Variants in LCA5 observed in about 807,000 individuals in gnomAD.
LCA5 encodes the protein lebercilin.
Under a neutral mutation model 53.0 loss-of-function variants are expected in LCA5, and 37 were observed. That is an observed-to-expected ratio of 0.70 (90% CI 0.54 to 0.92). The LOEUF (loss-of-function observed/expected upper bound fraction) is 0.92, where lower values mean the gene tolerates loss of function less well. LCA5 is among the 40% of genes least tolerant of loss of function. The pLI, the probability that LCA5 is intolerant of heterozygous loss-of-function variation, is 0.00. For missense variants in LCA5, 806 were observed against 790.5 expected, an observed-to-expected ratio of 1.02 and a Z score of -0.23; for synonymous variants, 303 against 282.9, an observed-to-expected ratio of 1.07 and a Z score of -0.71.
chr6:79,530,882 C>CA (rs35426154), intron 1 of LCA5, among the ~76,000 whole-genome samples: 4 of 151,102 alleles, frequency 2.6e-5, no homozygotes, highest in East Asian at 3.9e-4. Context: ...AAAATTAGAC[C>CA]AAAAAAAAGA....
chr6:79,528,919 A>G (rs970268097), intron 1 of LCA5, among the ~76,000 whole-genome samples: 5 of 152,184 alleles, frequency 3.3e-5, no homozygotes, highest in Non-Finnish European at 7.3e-5. Context: ...AAATGTAACC[A>G]TCATGAAAAC....
At chr6:79,497,678 T>C (rs1005700829) in intron 3 of LCA5, among the ~76,000 whole-genome samples, 1 of 152,090 alleles carries the variant, frequency 6.6e-6, no homozygotes, top group Non-Finnish European at 1.5e-5. Flanking sequence ...CAGAAAGTAC[T>C]ATAAAAGATA....
At position 79,485,586 on chromosome 6, in the gene LCA5, A is replaced by G. The variant is rs1343051201; in HGVS notation, c.*1418T>C. ...CTTTTAATTGGAGACCTAACCAGGTAAGTCTTGACAAATAGTCATGCAATG... is the reference window on the plus strand; with the variant it reads ...CTTTTAATTGGAGACCTAACCAGGTGAGTCTTGACAAATAGTCATGCAATG... On this transcript the variant is annotated 3_prime_UTR_variant, in exon 8 of 8. Coordinates refer to ENST00000369846, the MANE Select transcript of LCA5 (RefSeq NM_001122769.3). 6.6e-6 allele frequency: 1 copy of G among 152,226 alleles called. No homozygotes were observed. Among genetic ancestry groups the G allele is most frequent in the Non-Finnish European group, 1.5e-5 (1 of 68,020 alleles). 9.4% of individuals were successfully genotyped at this position (152,226 alleles called of 1,614,324 possible). A position where few individuals can be genotyped will look rare whatever the true frequency, so the allele number is the denominator to read the frequency against.
chr6:79,491,802 GTA>G (rs142509128), intron 5 of LCA5, 72 bp from the exon 6 acceptor site: 5,817 of 1,098,710 alleles, frequency 5.3e-3, no homozygotes, highest in Non-Finnish European at 5.9e-3. Flanking sequence ...CAGCTGGCAT[GTA>G]TATATATATA....
chr6:79,498,554 T>A (rs1477652783), intron 3 of LCA5, among the ~76,000 whole-genome samples: 2 of 152,062 alleles, frequency 1.3e-5, no homozygotes, highest in Non-Finnish European at 2.9e-5. Context: ...ATAAAATACA[T>A]TCAGACAACT....
At chr6:79,518,674 G>A in intron 2 of LCA5, 31 bp downstream of exon 2, 1 of 1,602,208 alleles carries the variant, frequency 6.2e-7, no homozygotes, top group Non-Finnish European at 8.6e-7. Flanking sequence ...GAGTCTTCTA[G>A]GTCCACCAGA....
intron 3 of LCA5, among the ~76,000 whole-genome samples, chr6:79,510,038 T>C (rs1409131495): frequency 6.6e-6 from 1 of 152,158 alleles, no homozygotes; most frequent in East Asian, 1.9e-4. Context: ...CAAGAGTAGC[T>C]AAAATAGTTA....
chr6:79,536,361 C>A (rs1767119804), intron 1 of LCA5, among the ~76,000 whole-genome samples: 1 of 152,134 alleles, frequency 6.6e-6, no homozygotes, highest in South Asian at 2.1e-4. Flanking sequence ...ATCTCTAATG[C>A]AAGTTCTTAA....
intron 1 of LCA5, among the ~76,000 whole-genome samples, chr6:79,520,395 T>A (rs933376315): frequency 6.6e-6 from 1 of 152,064 alleles, no homozygotes; most frequent in African/African-American, 2.4e-5. Context: ...ATTATCCCTA[T>A]CTGAATTCAG....
chr6:79,493,130 C>G (rs1769887759), intron 4 of LCA5, among the ~76,000 whole-genome samples: 1 of 152,032 alleles, frequency 6.6e-6, no homozygotes, highest in Non-Finnish European at 1.5e-5. Flanking sequence ...AAATTTTGTG[C>G]AAAATTTCAT....
intron 3 of LCA5, among the ~76,000 whole-genome samples, chr6:79,506,832 A>C (rs772724386): frequency 7.2e-5 from 11 of 152,220 alleles, no homozygotes; most frequent in Non-Finnish European, 8.8e-5. Context: ...GGCTCCACTG[A>C]AACATATACA....
chr6:79,520,308 A>G (rs1766590243), intron 1 of LCA5, among the ~76,000 whole-genome samples: 1 of 152,160 alleles, frequency 6.6e-6, no homozygotes, highest in Admixed American at 6.5e-5. Flanking sequence ...TACTATTATC[A>G]TAAAGAAAAA....
chr6:79,503,087 G>A (rs928317280), intron 3 of LCA5, among the ~76,000 whole-genome samples: 56 of 152,188 alleles, frequency 3.7e-4, no homozygotes, highest in African/African-American at 1.3e-3. Flanking sequence ...TCAACATGTT[G>A]GCTAGGCTGG....
In LCA5 at chr6:79,487,090, G is replaced by A. The variant is rs1487527511; in HGVS notation, c.2008C>T (p.His670Tyr). 1.2e-6 allele frequency: 2 copies of A among 1,613,282 alleles called. No individual in the cohort carries two copies. Among genetic ancestry groups the A allele is most frequent in the South Asian group, 2.2e-5 (2 of 91,078 alleles). Residue 670 changes from histidine to tyrosine, a missense_variant, in exon 8 of 8, where the codon CAC becomes TAC. By Grantham distance (83) the His-to-Tyr change is moderately conservative. Coordinates refer to ENST00000369846, the MANE Select transcript of LCA5 (RefSeq NM_001122769.3). ...SEGRSFNPNR[H>Y]RLKHADDKPA... ...TTATCGTCTGCATGTTTTAATCGGTGCCTATTTGGATTAAAACTTCTTCCT... is the reference window on the plus strand; with the variant it reads ...TTATCGTCTGCATGTTTTAATCGGTACCTATTTGGATTAAAACTTCTTCCT...
chr6:79,495,758 A>C (rs959971426), intron 3 of LCA5, among the ~76,000 whole-genome samples: 1 of 151,862 alleles, frequency 6.6e-6, no homozygotes, highest in African/African-American at 2.4e-5. Flanking sequence ...CTCAAAAAAA[A>C]AAAAAAAAAA....
intron 5 of LCA5, among the ~76,000 whole-genome samples, chr6:79,492,272 G>A (rs1324750325): frequency 1.3e-5 from 2 of 151,602 alleles, no homozygotes; most frequent in Admixed American, 6.6e-5. Flanking sequence ...TCTCTACTTC[G>A]GGGTATATTT....
At chr6:79,528,583 C>T (rs1011805319) in intron 1 of LCA5, among the ~76,000 whole-genome samples, 4 of 152,306 alleles carry the variant, frequency 2.6e-5, no homozygotes, top group Admixed American at 2.6e-4. Context: ...TCCCAATATA[C>T]ATGTTAACTC....
chr6:79,530,600 G>A (rs1219976055), intron 1 of LCA5, among the ~76,000 whole-genome samples: 1 of 152,134 alleles, frequency 6.6e-6, no homozygotes, highest in African/African-American at 2.4e-5. Context: ...AATAAGGTGG[G>A]TTTTTCTAAC....
intron 3 of LCA5, among the ~76,000 whole-genome samples, chr6:79,503,861 C>T (rs1193670667): frequency 6.6e-6 from 1 of 152,230 alleles, no homozygotes; most frequent in African/African-American, 2.4e-5. Context: ...TAGGTATTAA[C>T]AGTCTAACTA....
Sources: allele counts gnomAD v4.1 joint callset (sites outside exome capture counted in the v4.1 genomes callset), GRCh38; gene constraint gnomAD v4.1.1; transcripts MANE v1.5; gene names NCBI Gene and HGNC (gene_info 2026-07-23, HGNC 2026-07-21).